The following HNF1B variants were observed in gnomAD, a reference collection of about 807,000 sequenced individuals.
HNF1B encodes hepatocyte nuclear factor 1-beta.
In HNF1B, 8 loss-of-function variants were observed where a neutral mutation model predicts 61.7. The observed-to-expected ratio is 0.13, with a 90% CI of 0.08 to 0.23. HNF1B has a LOEUF of 0.23. Among genes scored for constraint, HNF1B ranks in the 10% least tolerant of loss-of-function variants. The pLI is 1.00. For synonymous variants in HNF1B, 314 were observed against 287.7 expected, an observed-to-expected ratio of 1.09 and a Z score of -0.93; for missense variants, 562 against 714.5, an observed-to-expected ratio of 0.79 and a Z score of 2.43.
At chr17:37,692,350 T>G (rs571670478) in intron 8 of HNF1B, among the ~76,000 whole-genome samples, 1 of 152,302 alleles carries the variant, frequency 6.6e-6, no homozygotes, top group East Asian at 1.9e-4. Flanking sequence ...AAAGTGGATA[T>G]TGGAAGATGA....
At chr17:37,712,836 G>A (rs2032981101) in intron 4 of HNF1B, among the ~76,000 whole-genome samples, 1 of 152,162 alleles carries the variant, frequency 6.6e-6, no homozygotes, top group African/African-American at 2.4e-5. Flanking sequence ...CCATATAAAT[G>A]GCAACTATGG....
intron 8 of HNF1B, among the ~76,000 whole-genome samples, chr17:37,697,169 T>C (rs2032412129): frequency 6.6e-6 from 1 of 152,240 alleles, no homozygotes; most frequent in South Asian, 2.1e-4. Flanking sequence ...GTTTATTTCT[T>C]TGTACTTAGG....
Position 37,687,030 on chromosome 17 carries a change from T to C in HNF1B, c.*342A>G, listed in dbSNP as rs1046789142. The C allele has an allele frequency of 5.6e-6, 3 of 540,460 alleles. No homozygotes were observed. The highest frequency in any genetic ancestry group is 1.9e-5 in the African/African-American group (1 of 52,688). The allele number at this position is 540,460 out of a possible 1,614,324, so 33.5% of individuals were successfully genotyped here. A position where few individuals can be genotyped will look rare whatever the true frequency, so the allele number is the denominator to read the frequency against. On this transcript the variant is annotated 3_prime_UTR_variant, in exon 9 of 9. Transcript: ENST00000617811. ...TCCTCATTTCAGTAACAGATTCAAG[T>C]TTTCGCATCAGTTTGTTCGATGAAG...
At chr17:37,740,925 T>G (rs1023317390) in intron 1 of HNF1B, among the ~76,000 whole-genome samples, 1 of 152,222 alleles carries the variant, frequency 6.6e-6, no homozygotes, top group Admixed American at 6.5e-5. Flanking sequence ...AAAAGAGAGA[T>G]ATAATTTAAA....
intron 6 of HNF1B, among the ~76,000 whole-genome samples, chr17:37,703,799 C>T (rs1471531374): frequency 6.6e-6 from 1 of 152,158 alleles, no homozygotes; most frequent in Non-Finnish European, 1.5e-5. Context: ...AATTTGTGTG[C>T]CTCCAATGGG....
intron 7 of HNF1B, among the ~76,000 whole-genome samples, chr17:37,700,595 T>C (rs2032532383): frequency 6.6e-6 from 1 of 152,206 alleles, no homozygotes; most frequent in Non-Finnish European, 1.5e-5. Context: ...TAATGGCTGC[T>C]TGGAAGTTTA....
In HNF1B at chr17:37,687,145, G is replaced by A. The variant is rs1381813175; in HGVS notation, c.*227C>T. On this transcript the variant is annotated 3_prime_UTR_variant, in exon 9 of 9. Transcript: ENST00000617811. ...AGGACAGACAGGAGTCCTTGACATC[G>A]TGGGAGAGGCATTGTGGCAATACTG... 17 of 680,790 alleles carry A rather than the reference G, an allele frequency of 2.5e-5. No homozygotes were observed. The highest frequency in any genetic ancestry group is 8.4e-5 in the South Asian group (5 of 59,420). The allele number at this position is 680,790 out of a possible 1,614,324, so 42.2% of individuals were successfully genotyped here.
chr17:37,695,348 A>G (rs1311563974), intron 8 of HNF1B, among the ~76,000 whole-genome samples: 1 of 152,212 alleles, frequency 6.6e-6, no homozygotes, highest in African/African-American at 2.4e-5. Flanking sequence ...GGCAGCTTCC[A>G]CCTAGATTTC....
At chr17:37,687,445 G>T in intron 8 of HNF1B, 53 bp from the exon 9 acceptor site, 1 of 1,419,228 alleles carries the variant, frequency 7.0e-7, no homozygotes, top group Non-Finnish European at 1.0e-6. Context: ...GCAGGGTCAT[G>T]GGCCATTAGT....
intron 1 of HNF1B, among the ~76,000 whole-genome samples, chr17:37,743,183 C>T (rs966041032): frequency 3.3e-5 from 5 of 152,148 alleles, no homozygotes; most frequent in East Asian, 1.9e-4. Flanking sequence ...GCCCTGTGGC[C>T]CCCGGTGGCC....
rs67472247 is a variant in HNF1B at position 37,734,789 on chromosome 17, CT to C, written c.545-969del. On this transcript the variant is annotated intron_variant, in intron 2 of 8. Transcript: ENST00000617811. Reference sequence around the variant, plus strand: ...GTCCCTATGTTCTGGATCTTAATATCTTTTTTTTTTTTTTTTGAGACAGAGT... The same window carrying C: ...GTCCCTATGTTCTGGATCTTAATATCTTTTTTTTTTTTTTTGAGACAGAGT... 4.1e-3 allele frequency among the ~76,000 whole-genome samples: 574 copies of C among 140,614 alleles called. 4 individuals carry two copies. Among genetic ancestry groups the C allele is most frequent in the East Asian group, 0.037 (179 of 4,844 alleles). The allele number at this position is 140,614 out of a possible 152,430, so 92.2% of individuals were successfully genotyped here.
In HNF1B at chr17:37,724,790, A is replaced by G. The variant is rs191138220; in HGVS notation, c.1045+6805T>C. ...GGCTCTTTACAGAAAAAGTTTGTCAATCCCTGTTCTAGAGAATTTATGAAT... is the reference window on the plus strand; with the variant it reads ...GGCTCTTTACAGAAAAAGTTTGTCAGTCCCTGTTCTAGAGAATTTATGAAT... On this transcript the variant is annotated intron_variant, in intron 4 of 8. Coordinates refer to ENST00000617811, the MANE Select transcript of HNF1B (RefSeq NM_000458.4). Among the ~76,000 whole-genome samples, 11 of 152,216 alleles carry G rather than the reference A, an allele frequency of 7.2e-5. No individual in the cohort carries two copies. The East Asian group carries it at 2.1e-3, about 29-fold the overall frequency.
rs2034101580 is a variant in HNF1B, at chr17:37,744,399, G to A, written c.344+142C>T. On this transcript the variant is annotated intron_variant, in intron 1 of 8. Coordinates refer to ENST00000617811, the MANE Select transcript of HNF1B (RefSeq NM_000458.4). Reference sequence around the variant, plus strand: ...AGGGATTGGGAAGGGTCCGGGTGTTGGGAGAGAAGCAGAGCGCCCCCCGGG... The same window carrying A: ...AGGGATTGGGAAGGGTCCGGGTGTTAGGAGAGAAGCAGAGCGCCCCCCGGG... 3.7e-6 allele frequency: 3 copies of A among 801,890 alleles called. No homozygotes were observed. In the African/African-American group the frequency reaches 5.1e-5, roughly 14 times the overall value. The allele number at this position is 801,890 out of a possible 1,614,324, so 49.7% of individuals were successfully genotyped here. A position where few individuals can be genotyped will look rare whatever the true frequency, so the allele number is the denominator to read the frequency against.
chr17:37,739,745 C>G (rs916853440), intron 1 of HNF1B, 106 bp from the exon 2 acceptor site: 89 of 1,084,700 alleles, frequency 8.2e-5, no homozygotes, highest in Non-Finnish European at 1.1e-4. Context: ...TCTGAATTTT[C>G]CCCCCATCTA....
chr17:37,734,672 G>T (rs1473627760), intron 2 of HNF1B, among the ~76,000 whole-genome samples: 1 of 152,180 alleles, frequency 6.6e-6, no homozygotes, highest in South Asian at 2.1e-4. Context: ...GGCTCATCAG[G>T]AGTGATTAAT....
intron 8 of HNF1B, among the ~76,000 whole-genome samples, chr17:37,688,213 A>T (rs2032046847): frequency 6.6e-6 from 1 of 152,164 alleles, no homozygotes; most frequent in African/African-American, 2.4e-5. Context: ...CTTGCCCTCC[A>T]GTGCCTGGGC....
rs756559188 is a variant in HNF1B at position 37,744,919 on chromosome 17, TG to T, written c.-36del. On this transcript the variant is annotated 5_prime_UTR_variant, in exon 1 of 9. Coordinates refer to ENST00000617811, the MANE Select transcript of HNF1B (RefSeq NM_000458.4). Reference sequence around the variant, plus strand: ...ACGGAAAAAGAAGGGGGTGAGGGGGTGGGTGGGTGCGAGAGAGGAGGGTGGA... The same window carrying T: ...ACGGAAAAAGAAGGGGGTGAGGGGGTGGTGGGTGCGAGAGAGGAGGGTGGA... The T allele has an allele frequency of 4.2e-5, 16 of 379,312 alleles. No individual in the cohort carries two copies. Among genetic ancestry groups the T allele is most frequent in the Non-Finnish European group, 6.6e-5 (13 of 197,776 alleles). The allele number at this position is 379,312 out of a possible 1,614,324, so 23.5% of individuals were successfully genotyped here. A position where few individuals can be genotyped will look rare whatever the true frequency, so the allele number is the denominator to read the frequency against.
At chr17:37,736,963 A>G (rs1358930180) in intron 2 of HNF1B, among the ~76,000 whole-genome samples, 3 of 152,120 alleles carry the variant, frequency 2.0e-5, no homozygotes, top group African/African-American at 7.2e-5. Flanking sequence ...TGGGGAAGAA[A>G]ATGTTCATTG....
At chr17:37,732,566 C>A (rs992230870) in intron 3 of HNF1B, among the ~76,000 whole-genome samples, 2 of 152,196 alleles carry the variant, frequency 1.3e-5, no homozygotes, top group Non-Finnish European at 2.9e-5. Context: ...ACAGAGAAAG[C>A]GCACACAGGC....
Sources: gnomAD v4.1 joint callset for allele counts (sites outside exome capture counted in the v4.1 genomes callset) on GRCh38, gnomAD v4.1.1 for gene constraint, MANE v1.5 for transcripts, NCBI Gene and HGNC (gene_info 2026-07-23, HGNC 2026-07-21) for gene names.